The following SIPA1L1 variants were observed in gnomAD, a reference collection of about 807,000 sequenced individuals.
SIPA1L1 encodes the protein signal induced proliferation associated 1 like 1.
In SIPA1L1, 26 loss-of-function variants were observed where a neutral mutation model predicts 162.7. The observed-to-expected ratio is 0.16, with a 90% confidence interval of 0.12 to 0.22. SIPA1L1 has a LOEUF of 0.22. Ranked by LOEUF, SIPA1L1 falls within the 10% of genes least tolerant of loss-of-function variation. The pLI is 1.00. For synonymous variants in SIPA1L1, 829 were observed against 837.4 expected, an observed-to-expected ratio of 0.99 and a Z score of 0.17; for missense variants, 1,874 against 2,241.0, an observed-to-expected ratio of 0.84 and a Z score of 3.31.
At chr14:71,704,868 C>A (rs376983093) in intron 15 of SIPA1L1, 1 of 865,682 alleles carries the variant, frequency 1.2e-6, no homozygotes, top group Non-Finnish European at 1.9e-6. Context: ...CTAGGTTAGC[C>A]ACACTTGGCA....
chr14:71,478,798 CAG>C (rs1377909018), intron 2 of SIPA1L1, among the ~76,000 whole-genome samples: 1 of 152,034 alleles, frequency 6.6e-6, no homozygotes, highest in Admixed American at 6.5e-5. Context: ...GGCAGAAAGA[CAG>C]AGGAAAAAAG....
intron 2 of SIPA1L1, among the ~76,000 whole-genome samples, chr14:71,336,953 G>T (rs146387938): frequency 1.4e-3 from 210 of 152,160 alleles, no homozygotes; most frequent in Non-Finnish European, 2.5e-3. Context: ...CTTGACCCCT[G>T]TATCTAAGCG....
chr14:71,410,000 C>T (rs1391305046), intron 2 of SIPA1L1, among the ~76,000 whole-genome samples: 6 of 152,174 alleles, frequency 3.9e-5, no homozygotes, highest in Middle Eastern at 3.4e-3. Context: ...ATTTGTCTTT[C>T]GGTATGCTGT....
chr14:71,565,019 A>G (rs1235839159), intron 4 of SIPA1L1, among the ~76,000 whole-genome samples: 1 of 152,224 alleles, frequency 6.6e-6, no homozygotes, highest in Non-Finnish European at 1.5e-5. Flanking sequence ...CAGATTGACA[A>G]AAATTTTAAG....
chr14:71,631,074 T>C (rs924799394), intron 7 of SIPA1L1, among the ~76,000 whole-genome samples: 1 of 152,104 alleles, frequency 6.6e-6, no homozygotes, highest in Non-Finnish European at 1.5e-5. Context: ...CTTGTGTCCA[T>C]GTGTTCTCAT....
At chr14:71,442,172 C>CCA (rs2044930405) in intron 2 of SIPA1L1, among the ~76,000 whole-genome samples, 1 of 26,092 alleles carries the variant, frequency 3.8e-5, no homozygotes, top group African/African-American at 1.1e-4. Context: ...GACTCTGTCT[C>CCA]AAAAAAAAAA....
intron 2 of SIPA1L1, among the ~76,000 whole-genome samples, chr14:71,331,943 A>C (rs1217988547): frequency 6.6e-6 from 1 of 152,234 alleles, no homozygotes; most frequent in Non-Finnish European, 1.5e-5. Context: ...CAGCAAATTT[A>C]GTGGCTGCTA....
chr14:71,629,041 C>G (rs932433963), intron 7 of SIPA1L1, among the ~76,000 whole-genome samples: 1 of 152,126 alleles, frequency 6.6e-6, no homozygotes, highest in African/African-American at 2.4e-5. Context: ...AGGTTCACGC[C>G]ATTCTCCTGC....
At chr14:71,665,642 T>C (rs1237608024) in intron 10 of SIPA1L1, among the ~76,000 whole-genome samples, 1 of 152,144 alleles carries the variant, frequency 6.6e-6, no homozygotes, top group Non-Finnish European at 1.5e-5. Flanking sequence ...ATCAAAGATA[T>C]GAATTCAATA....
intron 12 of SIPA1L1, among the ~76,000 whole-genome samples, chr14:71,683,807 G>T (rs1329985971): frequency 6.6e-6 from 1 of 152,194 alleles, no homozygotes; most frequent in African/African-American, 2.4e-5. Context: ...TTTACAGACT[G>T]CAGACCATAA....
At chr14:71,330,590 G>C in intron 2 of SIPA1L1, 1 of 1,058,032 alleles carries the variant, frequency 9.5e-7, no homozygotes, top group Non-Finnish European at 1.5e-6. Flanking sequence ...AATCCCAACT[G>C]AGCTTCAGGA....
chr14:71,370,631 A>G (rs956492682), intron 2 of SIPA1L1, among the ~76,000 whole-genome samples: 1 of 152,174 alleles, frequency 6.6e-6, no homozygotes, highest in East Asian at 1.9e-4. Context: ...TATATGTACT[A>G]AGAGCATACA....
At chr14:71,628,120 T>TA (rs1282114159) in intron 7 of SIPA1L1, among the ~76,000 whole-genome samples, 2 of 152,052 alleles carry the variant, frequency 1.3e-5, no homozygotes, top group Non-Finnish European at 2.9e-5. Context: ...CCCCCGTCTC[T>TA]AAAAAAATAA....
chr14:71,673,682 T>C (rs899802382), intron 12 of SIPA1L1, among the ~76,000 whole-genome samples: 8 of 152,212 alleles, frequency 5.3e-5, no homozygotes, highest in Non-Finnish European at 1.0e-4. Context: ...AGGGATTATG[T>C]ATATATGTCA....
At position 71,643,319 on chromosome 14, in the gene SIPA1L1, T is replaced by A. The variant is rs536163594; in HGVS notation, c.1819-7016T>A. Among the ~76,000 whole-genome samples, 11 of 152,306 alleles carry A rather than the reference T, an allele frequency of 7.2e-5. No homozygotes were observed. The East Asian group carries it at 2.1e-3, about 29-fold the overall frequency. On this transcript the variant is annotated intron_variant, in intron 7 of 23. Transcript: ENST00000381232. The stretch of plus-strand genomic sequence containing the variant: ...AAAAGTTAGATGACTTTTTTAGTCG[T>A]TAGAGAAATCCAGAAGAAAGCATAG...
At chr14:71,615,537 A>G (rs544784118) in intron 5 of SIPA1L1, among the ~76,000 whole-genome samples, 2 of 152,240 alleles carry the variant, frequency 1.3e-5, no homozygotes, top group Non-Finnish European at 2.9e-5. Flanking sequence ...AGAGATGTCC[A>G]GAAGCTGGAA....
chr14:71,490,926 A>G (rs2049192625), intron 2 of SIPA1L1, among the ~76,000 whole-genome samples: 1 of 152,212 alleles, frequency 6.6e-6, no homozygotes, highest in Non-Finnish European at 1.5e-5. Context: ...TTTAATAGGA[A>G]TGAAGATGCC....
chr14:71,733,881 T>C (rs866828308), intron 21 of SIPA1L1, 69 bp downstream of exon 21: 2 of 1,509,746 alleles, frequency 1.3e-6, no homozygotes, highest in African/African-American at 2.7e-5. Context: ...CCATCCACTC[T>C]ACTTCTCTGG....
chr14:71,555,744 A>T (rs765020635), intron 4 of SIPA1L1, among the ~76,000 whole-genome samples: 2 of 152,102 alleles, frequency 1.3e-5, no homozygotes, highest in Admixed American at 6.5e-5. Context: ...TTGAACTTAG[A>T]GGCCATTCTA....
Sources: allele counts gnomAD v4.1 joint callset (sites outside exome capture counted in the v4.1 genomes callset), GRCh38; gene constraint gnomAD v4.1.1; transcripts MANE v1.5; gene names NCBI Gene and HGNC (gene_info 2026-07-23, HGNC 2026-07-21).